Variants in ZNF469 observed in about 807,000 individuals in gnomAD.
ZNF469 encodes the protein zinc finger protein 469.
Under a neutral mutation model 1.0 loss-of-function variants are expected in ZNF469, and 1 was observed. The observed-to-expected ratio is 1.00, with a 90% CI of 0.35 to 4.73. The LOEUF is 4.73. ZNF469 is among the 30% of genes most tolerant of loss of function. The pLI is 0.16. For synonymous variants in ZNF469, 2,703 were observed against 2,363.4 expected, an observed-to-expected ratio of 1.14 and a Z score of -4.17; for missense variants, 6,100 against 5,356.3, an observed-to-expected ratio of 1.14 and a Z score of -4.33.
chr16:88,429,613 C>T lies in ZNF469; in HGVS notation c.2143C>T (p.His715Tyr), dbSNP rs758331281. ...FPRAPPPYPT[H>Y]HFSLSSASLD... Reference sequence around the variant, plus strand: ...CCGTGCGCCGCCTCCGTACCCCACACACCACTTCTCCCTCAGCAGCGCCAG... The same window carrying T: ...CCGTGCGCCGCCTCCGTACCCCACATACCACTTCTCCCTCAGCAGCGCCAG... The change falls in exon 3 of 3, where the codon CAC (histidine) becomes TAC (tyrosine). Residue 715 changes from histidine to tyrosine, a missense_variant. By Grantham distance (83) the His-to-Tyr change is moderately conservative (BLOSUM62 2). Coordinates refer to ENST00000565624, the MANE Select transcript of ZNF469 (RefSeq NM_001367624.2). 1 of 1,547,076 alleles carries T rather than the reference C, an allele frequency of 6.5e-7. No homozygotes were observed. The highest frequency in any genetic ancestry group is 1.2e-5 in the South Asian group (1 of 83,834).
intron 1 of ZNF469, among the ~76,000 whole-genome samples, chr16:88,399,241 C>T (rs569402134): frequency 2.7e-4 from 41 of 152,372 alleles, no homozygotes; most frequent in African/African-American, 8.4e-4. Context: ...CCTCTGCTCC[C>T]TCATGTGATG....
chr16:88,434,237 C>G lies in ZNF469; in HGVS notation c.6767C>G (p.Ser2256Cys), dbSNP rs1260011161. ...AGCACTTTAAGAATTCCAGAGGATT[C>G]CAGAAAAGAGAAGCTGTGGGAGTCT... The part of the protein sequence containing the change: ...KDSTLRIPED[S>C]RKEKLWESPG... The change falls in exon 3 of 3, where the codon TCC (serine) becomes TGC (cysteine). Residue 2256 changes from serine to cysteine, a missense_variant. Transcript: ENST00000565624. 1.9e-6 allele frequency: 3 copies of G among 1,550,358 alleles called. No individual in the cohort carries two copies. The South Asian group carries it at 3.6e-5, about 18-fold the overall frequency.
chr16:88,349,299 G>A, the ZNF469 span, among the ~76,000 whole-genome samples: 14 of 152,110 alleles, frequency 9.2e-5, no homozygotes, highest in African/African-American at 2.9e-4. Context: ...AGGTAGCAGC[G>A]AACACCACAC....
At chr16:88,122,171 G>A in the ZNF469 span, among the ~76,000 whole-genome samples, 11 of 146,574 alleles carry the variant, frequency 7.5e-5, 1 homozygote, top group Non-Finnish European at 1.5e-4. Flanking sequence ...TATGGCCACG[G>A]CAACCACTCG....
chr16:88,262,686 C>T, the ZNF469 span, among the ~76,000 whole-genome samples: 3 of 152,076 alleles, frequency 2.0e-5, no homozygotes, highest in African/African-American at 7.2e-5. This position sits in a 1 kb window ranked among gnomAD's most constrained non-coding sequence, Gnocchi z 4.3. Flanking sequence ...CAAGCACAGG[C>T]CGACAATTTC....
At chr16:88,304,579 C>T in the ZNF469 span, among the ~76,000 whole-genome samples, 10 of 152,142 alleles carry the variant, frequency 6.6e-5, no homozygotes, top group Non-Finnish European at 1.0e-4. Flanking sequence ...CAGGAATGTG[C>T]CTGTCCAGGG....
chr16:88,279,254 C>T, the ZNF469 span, among the ~76,000 whole-genome samples: 42 of 138,690 alleles, frequency 3.0e-4, no homozygotes, highest in Admixed American at 2.1e-3. Context: ...TGTGCCACGC[C>T]GATGCTCGGT....
chr16:88,299,394 C>T, the ZNF469 span, among the ~76,000 whole-genome samples: 6 of 152,086 alleles, frequency 3.9e-5, no homozygotes, highest in South Asian at 4.1e-4. Context: ...GAGAGGGCTT[C>T]GGAGAGGCCG....
chr16:88,405,678 G>A (rs1275832629), intron 1 of ZNF469, among the ~76,000 whole-genome samples: 3 of 152,294 alleles, frequency 2.0e-5, no homozygotes, highest in Admixed American at 1.3e-4. Flanking sequence ...CGGACCCTGT[G>A]GGTGCTCAGA....
chr16:88,272,718 A>G, the ZNF469 span, among the ~76,000 whole-genome samples: 700 of 80,198 alleles, frequency 8.7e-3, 4 homozygotes, highest in African/African-American at 0.022. Context: ...GGGTGGGTGT[A>G]TGGATAGACG....
At chr16:88,306,248 C>A in the ZNF469 span, among the ~76,000 whole-genome samples, 1 of 152,256 alleles carries the variant, frequency 6.6e-6, no homozygotes, top group Non-Finnish European at 1.5e-5. Flanking sequence ...CCAGGCACCT[C>A]TTGCTCTTGT....
At chr16:88,381,358 A>T (rs569144577), upstream of ZNF469, among the ~76,000 whole-genome samples, 1 of 148,336 alleles carries the variant, frequency 6.7e-6, no homozygotes, top group African/African-American at 2.5e-5. Flanking sequence ...ACACTTATAC[A>T]CACATGCACT....
At chr16:88,341,309 A>T in the ZNF469 span, among the ~76,000 whole-genome samples, 2 of 152,094 alleles carry the variant, frequency 1.3e-5, no homozygotes, top group Non-Finnish European at 2.9e-5. Flanking sequence ...AGGGCCCAGG[A>T]GGCGCATGGG....
intron 1 of ZNF469, among the ~76,000 whole-genome samples, chr16:88,421,536 G>A (rs1159959539): frequency 6.6e-6 from 1 of 152,204 alleles, no homozygotes; most frequent in African/African-American, 2.4e-5. Context: ...CCCCTGGAGG[G>A]ACAGCTGGCA....
At chr16:88,117,905 A>C in the ZNF469 span, among the ~76,000 whole-genome samples, 1 of 152,256 alleles carries the variant, frequency 6.6e-6, no homozygotes, top group East Asian at 1.9e-4. Flanking sequence ...TCAGCAGAGC[A>C]GGAGGAGGAG....
chr16:88,372,989 A>G, the ZNF469 span, among the ~76,000 whole-genome samples: 1 of 152,138 alleles, frequency 6.6e-6, no homozygotes, highest in Non-Finnish European at 1.5e-5. Context: ...CTTCACCATC[A>G]TTGTCTCCAT....
chr16:88,229,352 G>A, the ZNF469 span, among the ~76,000 whole-genome samples: 1 of 152,234 alleles, frequency 6.6e-6, no homozygotes, highest in Non-Finnish European at 1.5e-5. Flanking sequence ...CTGCTCTCGG[G>A]AACCCTCCTG....
the ZNF469 span, among the ~76,000 whole-genome samples, chr16:88,181,846 C>T: frequency 6.6e-6 from 1 of 152,186 alleles, no homozygotes; most frequent in African/African-American, 2.4e-5. Flanking sequence ...ATGTCACTCT[C>T]ATCACTCTTA....
the ZNF469 span, among the ~76,000 whole-genome samples, chr16:88,349,336 A>G: frequency 6.6e-6 from 1 of 152,052 alleles, no homozygotes. Flanking sequence ...GCACATGAGC[A>G]CCACACACCA....
Sources: gnomAD v4.1 joint callset for allele counts (sites outside exome capture counted in the v4.1 genomes callset) on GRCh38, gnomAD v4.1.1 for gene constraint, Gnocchi (gnomAD v3.1) non-coding constraint, MANE v1.5 for transcripts, NCBI Gene and HGNC (gene_info 2026-07-23, HGNC 2026-07-21) for gene names.